KCNAB2: variants seen among roughly 807,000 people sequenced by gnomAD.
KCNAB2 encodes the protein potassium voltage-gated channel subfamily A regulatory beta subunit 2.
In KCNAB2, 29 loss-of-function variants were observed where a neutral mutation model predicts 63.6. The observed-to-expected ratio is 0.46, with a 90% confidence interval of 0.34 to 0.62. KCNAB2 has a LOEUF of 0.62. Among genes scored for constraint, KCNAB2 ranks in the 20% least tolerant of loss-of-function variants. The pLI is 0.01. For missense variants in KCNAB2, 359 were observed against 563.9 expected, an observed-to-expected ratio of 0.64 and a Z score of 3.68; for synonymous variants, 222 against 224.2, an observed-to-expected ratio of 0.99 and a Z score of 0.09.
At chr1:6,091,117 G>A (rs911085992) in intron 9 of KCNAB2, 146 bp from the exon 10 acceptor site, 16 of 687,304 alleles carry the variant, frequency 2.3e-5, no homozygotes, top group East Asian at 8.2e-5. Flanking sequence ...ACGCACGTGC[G>A]TGTGTTGATA....
At position 5,994,471 on chromosome 1, in the gene KCNAB2, C is replaced by T. The variant is rs769567731; in HGVS notation, c.-53+1683C>T. Among the ~76,000 whole-genome samples the T allele has an allele frequency of 1.3e-5, 2 of 152,216 alleles. No homozygotes were observed. Among genetic ancestry groups the T allele is most frequent in the Non-Finnish European group, 2.9e-5 (2 of 68,034 alleles). The stretch of plus-strand genomic sequence containing the variant: ...TCAGTGGCACTGACAGTGTTCGGGC[C>T]GCAGCACATCCCTCGAGAGCAGCAT... On this transcript the variant is annotated intron_variant, in intron 1 of 16. Coordinates refer to the KCNAB2 transcript ENST00000341524. This position sits in a 1 kb window ranked among gnomAD's most constrained non-coding sequence, Gnocchi z 5.4.
chr1:6,030,416 A>G (rs147480143), upstream of KCNAB2, among the ~76,000 whole-genome samples: 8 of 152,272 alleles, frequency 5.3e-5, no homozygotes, highest in Middle Eastern at 3.4e-3. Flanking sequence ...ATGGTTGCAC[A>G]GGAGCGCAAG....
intron 2 of KCNAB2, among the ~76,000 whole-genome samples, chr1:6,072,388 A>AG (rs1402767038): frequency 6.6e-6 from 1 of 152,232 alleles, no homozygotes; most frequent in African/African-American, 2.4e-5. Context: ...AGAGGAAGGA[A>AG]GAAGGGGCTT....
chr1:6,022,187 A>G (rs1557938241), intron 1 of KCNAB2, among the ~76,000 whole-genome samples: 1 of 149,982 alleles, frequency 6.7e-6, no homozygotes, highest in Non-Finnish European at 1.5e-5. Flanking sequence ...GTTCAGTGGT[A>G]TTGAGTGCGT....
At chr1:6,001,296 CCACACACACACA>C (rs56828069) in intron 1 of KCNAB2, among the ~76,000 whole-genome samples, 2,011 of 147,068 alleles carry the variant, frequency 0.014, 28 homozygotes, top group African/African-American at 0.042. Context: ...CATGTGATCA[CCACACACACACA>C]CACACACACA....
In KCNAB2 at chr1:6,073,971, C is replaced by A. The variant is rs574751852; in HGVS notation, c.300+201C>A. ...AGGTGGCCATGGCCAGAGGGGATGC[C>A]GAGTCTGGTGCCATCACCCAGCAGT... On this transcript the variant is annotated intron_variant, in intron 4 of 15. Coordinates refer to ENST00000378083, the MANE Select transcript of KCNAB2 (RefSeq NM_001199862.2). The surrounding 1 kb of genome is among the most constrained non-coding windows in gnomAD (Gnocchi z 5.7). The A allele has an allele frequency of 2.5e-5, 15 of 598,410 alleles. No homozygotes were observed. In the African/African-American group the frequency reaches 2.6e-4, roughly 10 times the overall value. The allele number at this position is 598,410 out of a possible 1,614,324, so 37.1% of individuals were successfully genotyped here. A position where few individuals can be genotyped will look rare whatever the true frequency, so the allele number is the denominator to read the frequency against.
chr1:6,008,402 C>G (rs1256910233), intron 1 of KCNAB2, among the ~76,000 whole-genome samples: 1 of 152,148 alleles, frequency 6.6e-6, no homozygotes, highest in East Asian at 1.9e-4. Context: ...GGGCGGATCA[C>G]CTGAGGTCAG....
chr1:6,080,416 CGGATGCATTTGATGCAT>C lies in KCNAB2; in HGVS notation c.301-1765_301-1749del, dbSNP rs1268981200. Among the ~76,000 whole-genome samples, 6 of 152,134 alleles carry C rather than the reference CGGATGCATTTGATGCAT, an allele frequency of 3.9e-5. No homozygotes were observed. The East Asian group carries it at 5.8e-4, about 15-fold the overall frequency. ...GGGCAGCAGCAGGTCCCTCGGGCGG[CGGATGCATTTGATGCAT>C]GGATGCATTTGATACCTCAGGGCAG... is the stretch of plus-strand genomic sequence containing the variant. On this transcript the variant is annotated intron_variant, in intron 4 of 15. Coordinates refer to ENST00000378083, the MANE Select transcript of KCNAB2 (RefSeq NM_001199862.2).
intron 1 of KCNAB2, among the ~76,000 whole-genome samples, chr1:5,997,503 T>A (rs1230327671): frequency 6.6e-6 from 1 of 152,160 alleles, no homozygotes; most frequent in Non-Finnish European, 1.5e-5. Flanking sequence ...TCTGTCTGAT[T>A]CCAGCAGCCC....
At chr1:6,021,562 A>G in intron 1 of KCNAB2, among the ~76,000 whole-genome samples, 1 of 152,212 alleles carries the variant, frequency 6.6e-6, no homozygotes, top group African/African-American at 2.4e-5. Context: ...TTGAGTATAC[A>G]GTTCAGTGGT....
chr1:6,092,147 C>T (rs1262960961), intron 10 of KCNAB2, among the ~76,000 whole-genome samples: 3 of 152,254 alleles, frequency 2.0e-5, no homozygotes, highest in Non-Finnish European at 4.4e-5. Flanking sequence ...TTCAGTCTTC[C>T]TACTTCCGTT....
intron 1 of KCNAB2, among the ~76,000 whole-genome samples, chr1:5,999,072 A>G (rs961117542): frequency 2.6e-5 from 4 of 152,240 alleles, no homozygotes; most frequent in Non-Finnish European, 4.4e-5. Flanking sequence ...GCCCCTTTAG[A>G]GACGATTTCA....
At chr1:6,030,500 GTA>G (rs1218508549), upstream of KCNAB2, among the ~76,000 whole-genome samples, 10 of 151,256 alleles carry the variant, frequency 6.6e-5, no homozygotes, top group African/African-American at 2.4e-4. Context: ...TGTGCATTGT[GTA>G]TATGTGTTAT....
Position 6,046,160 on chromosome 1 carries a change from G to A in KCNAB2, c.-50G>A, listed in dbSNP as rs540581635. On this transcript the variant is annotated 5_prime_UTR_variant, in exon 1 of 16. Transcript: ENST00000378083. ...TAAACCAGACTGTGGCCTTTTTAACGAGCAGACGCCCCCACGAAGGCAGGT... is the reference window on the plus strand; with the variant it reads ...TAAACCAGACTGTGGCCTTTTTAACAAGCAGACGCCCCCACGAAGGCAGGT... 34 of 985,346 alleles carry A rather than the reference G, an allele frequency of 3.5e-5. No homozygotes were observed. The highest frequency in any genetic ancestry group is 5.2e-4 in the Middle Eastern group (1 of 1,914). 61.0% of individuals were successfully genotyped at this position (985,346 alleles called of 1,614,324 possible). A position where few individuals can be genotyped will look rare whatever the true frequency, so the allele number is the denominator to read the frequency against.
chr1:6,039,052 G>A (rs1214101589), intron 1 of KCNAB2, among the ~76,000 whole-genome samples: 5 of 152,228 alleles, frequency 3.3e-5, no homozygotes, highest in Non-Finnish European at 5.9e-5. Flanking sequence ...AGGGAACTGG[G>A]GCACCACAGA....
rs1257114053 is a variant in KCNAB2 at position 6,038,157 on chromosome 1, G to A, written c.-52-2360G>A. On this transcript the variant is annotated intron_variant, in intron 1 of 15. Transcript: ENST00000164247. ...CTCCCAAAGTTCTGGGATTACAGGT[G>A]TGATCCACCATGCCTGGCCCAAATG... is the stretch of plus-strand genomic sequence containing the variant. 6.6e-5 allele frequency among the ~76,000 whole-genome samples: 10 copies of A among 151,656 alleles called. 1 individual carries two copies. Among genetic ancestry groups the A allele is most frequent in the Non-Finnish European group, 1.3e-4 (9 of 67,858 alleles).
intron 4 of KCNAB2, among the ~76,000 whole-genome samples, chr1:6,077,076 CTCA>C (rs1663729810): frequency 6.6e-6 from 1 of 152,094 alleles, no homozygotes; most frequent in African/African-American, 2.4e-5. Context: ...ATCCCAGCTA[CTCA>C]GGAGGCTGAG....
At chr1:5,995,568 G>A (rs1030808877) in intron 1 of KCNAB2, among the ~76,000 whole-genome samples, 6 of 152,218 alleles carry the variant, frequency 3.9e-5, no homozygotes, top group East Asian at 3.9e-4. Flanking sequence ...ATTTCTCAGC[G>A]ACTCAGTCCT....
chr1:5,992,970 CCTT>C (rs1656602724), intron 1 of KCNAB2, among the ~76,000 whole-genome samples: 1 of 152,102 alleles, frequency 6.6e-6, no homozygotes, highest in Non-Finnish European at 1.5e-5. Flanking sequence ...CTCCTCACCT[CCTT>C]CTCCATCGTC....
Sources: allele counts gnomAD v4.1 joint callset (sites outside exome capture counted in the v4.1 genomes callset), GRCh38; gene constraint gnomAD v4.1.1; non-coding constraint Gnocchi (gnomAD v3.1); transcripts MANE v1.5; gene names NCBI Gene and HGNC (gene_info 2026-07-23, HGNC 2026-07-21).